Variants in RIPK1 observed in about 807,000 individuals in gnomAD.
RIPK1 encodes the protein receptor interacting serine/threonine kinase 1, also known as receptor-interacting serine/threonine-protein kinase 1.
RIPK1 carries 27 observed loss-of-function variants against 62.4 expected under a neutral mutation model. The ratio of observed to expected loss-of-function variants is 0.43; its 90% CI spans 0.32 to 0.60. The LOEUF is 0.60. Ranked by LOEUF, RIPK1 falls within the 20% of genes least tolerant of loss-of-function variation. The pLI, the probability that RIPK1 is intolerant of heterozygous loss-of-function variation, is 0.07. For missense variants in RIPK1, 735 were observed against 831.0 expected, an observed-to-expected ratio of 0.88 and a Z score of 1.42; for synonymous variants, 287 against 303.2, an observed-to-expected ratio of 0.95 and a Z score of 0.55.
At chr6:3,103,615 C>G (rs1760692279) in intron 7 of RIPK1, among the ~76,000 whole-genome samples, 1 of 152,088 alleles carries the variant, frequency 6.6e-6, no homozygotes, top group Admixed American at 6.6e-5. Flanking sequence ...TCATAGTATC[C>G]TTTGATGCAC....
chr6:3,082,994 A>T lies in RIPK1; in HGVS notation c.460-91A>T, dbSNP rs1164583390. On this transcript the variant is annotated intron_variant, in intron 4 of 10. Transcript: ENST00000259808. ...ATTTCTGGAAAATTTACCGTACCTTATGTATAATGGATAAGCCCAAAATTG... is the reference window on the plus strand; with the variant it reads ...ATTTCTGGAAAATTTACCGTACCTTTTGTATAATGGATAAGCCCAAAATTG... 4 of 1,232,888 alleles carry T rather than the reference A, an allele frequency of 3.2e-6. No homozygotes were observed. The East Asian group carries it at 7.0e-5, about 22-fold the overall frequency. 76.4% of individuals were successfully genotyped at this position (1,232,888 alleles called of 1,614,324 possible). A position where few individuals can be genotyped will look rare whatever the true frequency, so the allele number is the denominator to read the frequency against.
At chr6:3,081,880 A>T (rs1469949635) in intron 4 of RIPK1, among the ~76,000 whole-genome samples, 4 of 138,262 alleles carry the variant, frequency 2.9e-5, no homozygotes, top group African/African-American at 9.0e-5. Flanking sequence ...AAAAAAAAAA[A>T]AAAAAAAAAA....
At chr6:3,102,381 A>C (rs1459752083) in intron 7 of RIPK1, among the ~76,000 whole-genome samples, 1 of 152,190 alleles carries the variant, frequency 6.6e-6, no homozygotes, top group Non-Finnish European at 1.5e-5. Context: ...AAACACAAAT[A>C]AACTTCATGT....
chr6:3,069,070 G>T (rs1426124788), intron 1 of RIPK1, among the ~76,000 whole-genome samples: 2 of 152,362 alleles, frequency 1.3e-5, no homozygotes, highest in Non-Finnish European at 2.9e-5. Flanking sequence ...AGAGGTCGGG[G>T]CGCTGGACTG....
At chr6:3,097,996 G>C (rs1211446612) in intron 7 of RIPK1, among the ~76,000 whole-genome samples, 1 of 152,162 alleles carries the variant, frequency 6.6e-6, no homozygotes, top group East Asian at 1.9e-4. Context: ...AGGAGTTTGA[G>C]ACTAGCCTGG....
In RIPK1 at chr6:3,070,341, C is replaced by T. The variant is rs1368944803; in HGVS notation, c.-61+1680C>T. On this transcript the variant is annotated intron_variant, in intron 1 of 10. Transcript: ENST00000259808. ...GAATTTGAAGAAAATACTTAATTTC[C>T]CATGCTTTAGTTGGATATTACATTC... Among the ~76,000 whole-genome samples, 3 of 152,176 alleles carry T rather than the reference C, an allele frequency of 2.0e-5. No homozygotes were observed. In the East Asian group the frequency reaches 5.8e-4, roughly 29 times the overall value.
chr6:3,068,226 A>G, upstream of RIPK1: 1 of 985,510 alleles, frequency 1.0e-6, no homozygotes, highest in Non-Finnish European at 1.2e-6. Flanking sequence ...TAACCCGCAG[A>G]GCTCTGAATC....
intron 2 of RIPK1, among the ~76,000 whole-genome samples, chr6:3,077,467 T>C (rs1208876516): frequency 6.6e-6 from 1 of 152,082 alleles, no homozygotes; most frequent in Non-Finnish European, 1.5e-5. Context: ...TTTTTTTTTT[T>C]TTTAATCGTT....
chr6:3,100,757 A>AT (rs1172108062), intron 7 of RIPK1, among the ~76,000 whole-genome samples: 4 of 151,166 alleles, frequency 2.6e-5, no homozygotes, highest in African/African-American at 9.7e-5. Context: ...CACCCAGCTA[A>AT]TTTTTTTGTA....
At chr6:3,103,696 A>G (rs1170245046) in intron 7 of RIPK1, among the ~76,000 whole-genome samples, 1 of 152,234 alleles carries the variant, frequency 6.6e-6, no homozygotes, top group Non-Finnish European at 1.5e-5. Context: ...ATAACCAAGA[A>G]ATCGCTGCCA....
Position 3,083,232 on chromosome 6 carries a change from G to T in RIPK1, c.607G>T (p.Ala203Ser), listed in dbSNP as rs149432620. ...GCCCGAGCACCTGAATGACGTCAAC[G>T]CAAAGCCCACAGAGAAGTCGGATGT... The part of the protein sequence containing the change: ...MAPEHLNDVN[A>S]KPTEKSDVYS... Residue 203 changes from alanine (A) to serine (S), a missense_variant, in exon 5 of 11, where the codon GCA becomes TCA. By Grantham distance (99) the Ala-to-Ser change is moderately conservative (BLOSUM62 1). Transcript: ENST00000259808. The T allele has an allele frequency of 3.3e-4, 531 of 1,613,836 alleles. No individual in the cohort carries two copies. Among genetic ancestry groups the T allele is most frequent in the Non-Finnish European group, 4.1e-4 (485 of 1,180,008 alleles).
chr6:3,105,482 C>T lies in RIPK1; in HGVS notation c.1007C>T (p.Ala336Val). The change falls in exon 9 of 11, where the codon GCC becomes GTC. Residue 336 changes from alanine to valine, a missense_variant and splice_region_variant. Coordinates refer to ENST00000259808, the MANE Select transcript of RIPK1 (RefSeq NM_001354930.2). This position sits in a 1 kb window ranked among gnomAD's most constrained non-coding sequence, Gnocchi z 4.5. The part of the protein sequence containing the change: ...VAVPSSRSNS[A>V]TEQPGSLHSS... Reference sequence around the variant, plus strand: ...TCTAATGTTGATCATTTCTTCTCAGCCACAGAACAGCCTGGTTCACTGCAC... The same window carrying T: ...TCTAATGTTGATCATTTCTTCTCAGTCACAGAACAGCCTGGTTCACTGCAC... The T allele has an allele frequency of 6.5e-7, 1 of 1,528,274 alleles. No individual in the cohort carries two copies. The highest frequency in any genetic ancestry group is 8.8e-7 in the Non-Finnish European group (1 of 1,140,198). The allele number at this position is 1,528,274 out of a possible 1,614,324, so 94.7% of individuals were successfully genotyped here.
chr6:3,066,611 T>C (rs1442709809), upstream of RIPK1, among the ~76,000 whole-genome samples: 1 of 152,114 alleles, frequency 6.6e-6, no homozygotes, highest in Non-Finnish European at 1.5e-5. Context: ...AGAAAGAAAA[T>C]ATCCCCTTCC....
In RIPK1 at chr6:3,082,852, C is replaced by T. The variant is rs569760679; in HGVS notation, c.460-233C>T. On this transcript the variant is annotated intron_variant, in intron 4 of 10. Transcript: ENST00000259808. ...CCTCCCCCTTACTGCATAAGGAATA[C>T]GATACCAGAATTTCATGTGAACGTT... is the stretch of plus-strand genomic sequence containing the variant. Among the ~76,000 whole-genome samples, 9 of 152,294 alleles carry T rather than the reference C, an allele frequency of 5.9e-5. No individual in the cohort carries two copies. In the South Asian group the frequency reaches 6.2e-4, roughly 11 times the overall value.
intron 4 of RIPK1, among the ~76,000 whole-genome samples, chr6:3,082,656 A>G (rs1285590526): frequency 1.3e-5 from 2 of 152,212 alleles, no homozygotes; most frequent in African/African-American, 4.8e-5. Context: ...TTGGGGAAAT[A>G]GAAGGTGTAG....
In RIPK1 at chr6:3,101,473, G is replaced by C. The variant is rs796351206; in HGVS notation, c.916-2752G>C. Among the ~76,000 whole-genome samples the C allele has an allele frequency of 5.9e-5, 9 of 152,168 alleles. 1 individual carries two copies. The highest frequency in any genetic ancestry group is 2.2e-4 in the African/African-American group (9 of 41,524). ...TGATCTCTAAAAATAAACATGCAAA[G>C]AGACAAAAACAATATATAGAATGCT... On this transcript the variant is annotated intron_variant, in intron 7 of 10. Transcript: ENST00000259808.
At chr6:3,099,132 G>C (rs112647554) in intron 7 of RIPK1, among the ~76,000 whole-genome samples, 1 of 152,092 alleles carries the variant, frequency 6.6e-6, no homozygotes, top group Non-Finnish European at 1.5e-5. Context: ...AATTCGCAAG[G>C]TATAAAGAAA....
intron 4 of RIPK1, 110 bp downstream of exon 4, chr6:3,081,226 T>A: frequency 8.0e-7 from 1 of 1,249,536 alleles, no homozygotes; most frequent in Non-Finnish European, 1.1e-6. Flanking sequence ...CTAGCTCAGC[T>A]TATAACTGTT....
rs199834533 is a variant in RIPK1, at chr6:3,106,066, G to T, written c.1576+15G>T. ...GCCACCAACAGGTAAATGGGTCTTC[G>T]ATAGTCACAAGCTTGTCTTTTTTTA... On this transcript the variant is annotated intron_variant, in intron 9 of 10. Transcript: ENST00000259808. 1.3e-6 allele frequency: 2 copies of T among 1,540,672 alleles called. No individual in the cohort carries two copies. The highest frequency in any genetic ancestry group is 1.8e-6 in the Non-Finnish European group (2 of 1,125,304).
Sources: allele counts gnomAD v4.1 joint callset (sites outside exome capture counted in the v4.1 genomes callset), GRCh38; gene constraint gnomAD v4.1.1; non-coding constraint Gnocchi (gnomAD v3.1); transcripts MANE v1.5; gene names NCBI Gene and HGNC (gene_info 2026-07-23, HGNC 2026-07-21).